The following MACROD2 variants were observed in gnomAD, a reference collection of about 807,000 sequenced individuals.
The protein encoded by MACROD2 is mono-ADP ribosylhydrolase 2, also known as ADP-ribose glycohydrolase MACROD2.
MACROD2 carries 36 observed loss-of-function variants against 70.4 expected under a neutral mutation model. That is an observed-to-expected ratio of 0.51 (90% CI 0.39 to 0.68). MACROD2 has a LOEUF of 0.68. Among genes scored for constraint, MACROD2 ranks in the 30% least tolerant of loss-of-function variants. The pLI is 0.00. For synonymous variants in MACROD2, 172 were observed against 178.8 expected, an observed-to-expected ratio of 0.96 and a Z score of 0.30; for missense variants, 496 against 538.4, an observed-to-expected ratio of 0.92 and a Z score of 0.78.
intron 5 of MACROD2, among the ~76,000 whole-genome samples, chr20:14,951,422 G>C (rs2074475224): frequency 6.6e-6 from 1 of 152,092 alleles, no homozygotes; most frequent in Non-Finnish European, 1.5e-5. Flanking sequence ...AATGAGTAAT[G>C]GCTTCTCAGA....
Position 15,461,006 on chromosome 20 carries a change from A to ATATATATATTTTTTTTTTTT in MACROD2, c.571+29572_571+29573insATATATATTTTTTTTTTTTT. Reference sequence around the variant, plus strand: ...TATATATATATATATATATATATATATTTTTTTTTAATAGATGGGGTCTTG... The same window carrying ATATATATATTTTTTTTTTTT: ...TATATATATATATATATATATATATATATATATATTTTTTTTTTTTTTTTTTTTTAATAGATGGGGTCTTG... On this transcript the variant is annotated intron_variant, in intron 7 of 17. Transcript: ENST00000684519. 3.9e-4 allele frequency among the ~76,000 whole-genome samples: 26 copies of ATATATATATTTTTTTTTTTT among 67,010 alleles called. 1 individual carries two copies. The highest frequency in any genetic ancestry group is 7.6e-4 in the Non-Finnish European group (23 of 30,454). 44.0% of individuals were successfully genotyped at this position (67,010 alleles called of 152,430 possible).
chr20:14,837,535 C>T (rs1183285649), intron 5 of MACROD2, among the ~76,000 whole-genome samples: 1 of 152,002 alleles, frequency 6.6e-6, no homozygotes, highest in Non-Finnish European at 1.5e-5. Flanking sequence ...AAATGTCTGT[C>T]CTTTGAGCTA....
intron 2 of MACROD2, among the ~76,000 whole-genome samples, chr20:14,061,150 C>T (rs1231358056): frequency 5.3e-5 from 8 of 152,012 alleles, no homozygotes; most frequent in Admixed American, 5.2e-4. Context: ...ATGGTTTCTC[C>T]TTTGAAATGT....
chr20:15,265,784 T>G (rs911622888), intron 6 of MACROD2, among the ~76,000 whole-genome samples: 1 of 152,228 alleles, frequency 6.6e-6, no homozygotes, highest in African/African-American at 2.4e-5. Context: ...GGTTGCTATG[T>G]TAACCAAAAG....
chr20:14,756,652 C>T (rs1178367623), intron 5 of MACROD2, among the ~76,000 whole-genome samples: 1 of 152,004 alleles, frequency 6.6e-6, no homozygotes, highest in Non-Finnish European at 1.5e-5. Flanking sequence ...GACTACTGCT[C>T]CTAGCTTTAT....
chr20:15,486,856 C>T (rs910713682), intron 7 of MACROD2, among the ~76,000 whole-genome samples: 2 of 152,116 alleles, frequency 1.3e-5, no homozygotes, highest in Non-Finnish European at 2.9e-5. Context: ...CATATTTTTC[C>T]GCATTACAAA....
intron 5 of MACROD2, among the ~76,000 whole-genome samples, chr20:14,745,868 T>G (rs1165695440): frequency 6.6e-6 from 1 of 152,152 alleles, no homozygotes; most frequent in Non-Finnish European, 1.5e-5. Flanking sequence ...TTGCTTCTGA[T>G]GAAAACTTAC....
chr20:14,689,735 T>C (rs1002328200), intron 5 of MACROD2, among the ~76,000 whole-genome samples: 2 of 152,210 alleles, frequency 1.3e-5, no homozygotes, highest in African/African-American at 4.8e-5. Context: ...ATGCCTTCTT[T>C]TTTCTTCACA....
chr20:14,476,411 A>G (rs1220267239), intron 3 of MACROD2, among the ~76,000 whole-genome samples: 1 of 152,194 alleles, frequency 6.6e-6, no homozygotes, highest in Non-Finnish European at 1.5e-5. Flanking sequence ...GCTGGAGTAC[A>G]GTGGCGCAAT....
intron 6 of MACROD2, among the ~76,000 whole-genome samples, chr20:15,261,154 A>C (rs1026652321): frequency 2.6e-5 from 4 of 151,970 alleles, no homozygotes; most frequent in African/African-American, 9.7e-5. Flanking sequence ...ATTTATACAC[A>C]GCATTTATTT....
At chr20:15,260,809 TCTG>T (rs1285649396) in intron 6 of MACROD2, among the ~76,000 whole-genome samples, 1 of 152,040 alleles carries the variant, frequency 6.6e-6, no homozygotes, top group Non-Finnish European at 1.5e-5. Flanking sequence ...TTAATCTCTT[TCTG>T]CTGTTAATAA....
chr20:15,972,983 T>A (rs562665716), intron 13 of MACROD2, among the ~76,000 whole-genome samples: 66 of 152,098 alleles, frequency 4.3e-4, no homozygotes, highest in Non-Finnish European at 9.0e-4. Flanking sequence ...AGGAAAAAAA[T>A]TAACATTTAG....
chr20:15,500,722 A>G (rs1002769244), intron 8 of MACROD2, among the ~76,000 whole-genome samples: 8 of 152,192 alleles, frequency 5.3e-5, no homozygotes, highest in African/African-American at 1.9e-4. Flanking sequence ...GGGTTTTCAA[A>G]TGAGAAAGCA....
intron 3 of MACROD2, among the ~76,000 whole-genome samples, chr20:14,228,123 G>T (rs1348417413): frequency 1.3e-5 from 2 of 151,570 alleles, no homozygotes; most frequent in Non-Finnish European, 2.9e-5. Context: ...GCATCATTCT[G>T]CAATTTACTC....
intron 10 of MACROD2, among the ~76,000 whole-genome samples, chr20:15,890,857 G>A (rs1162736447): frequency 2.0e-5 from 3 of 152,100 alleles, no homozygotes; most frequent in African/African-American, 7.2e-5. Flanking sequence ...AGAGAATTAG[G>A]CAGGGTCCCC....
At chr20:16,020,582 C>T (rs559284836) in intron 15 of MACROD2, among the ~76,000 whole-genome samples, 2 of 150,070 alleles carry the variant, frequency 1.3e-5, no homozygotes, top group South Asian at 2.2e-4. Flanking sequence ...TGCTACGTAA[C>T]GAAAGCAAAG....
intron 3 of MACROD2, among the ~76,000 whole-genome samples, chr20:14,488,227 C>A (rs1313091463): frequency 6.6e-6 from 1 of 152,130 alleles, no homozygotes; most frequent in East Asian, 1.9e-4. Flanking sequence ...AACCATAAAA[C>A]TAATAAACAT....
intron 2 of MACROD2, among the ~76,000 whole-genome samples, chr20:14,034,010 C>T (rs1013653409): frequency 1.8e-4 from 28 of 151,876 alleles, no homozygotes; most frequent in African/African-American, 6.3e-4. Flanking sequence ...CTCGCTCTGT[C>T]GCCCAGGCTG....
At chr20:14,933,620 A>C (rs947179835) in intron 5 of MACROD2, among the ~76,000 whole-genome samples, 4 of 146,892 alleles carry the variant, frequency 2.7e-5, no homozygotes, top group South Asian at 2.3e-4. Flanking sequence ...ACAGAGTGAG[A>C]CCCTGACTCA....
Sources: gnomAD v4.1 joint callset for allele counts (sites outside exome capture counted in the v4.1 genomes callset) on GRCh38, gnomAD v4.1.1 for gene constraint, MANE v1.5 for transcripts, NCBI Gene and HGNC (gene_info 2026-07-23, HGNC 2026-07-21) for gene names.